KCNMA1: variants seen among roughly 807,000 people sequenced by gnomAD.
KCNMA1 encodes the protein Calcium-activated potassium channel subunit alpha-1.
Under a neutral mutation model 140.0 loss-of-function variants are expected in KCNMA1, and 29 were observed. The observed-to-expected ratio is 0.21, with a 90% CI of 0.15 to 0.28. KCNMA1 has a LOEUF of 0.28. Ranked by LOEUF, KCNMA1 falls within the 10% of genes least tolerant of loss-of-function variation. The pLI is 1.00. For missense variants in KCNMA1, 880 were observed against 1,602.2 expected (o/e 0.55, Z 7.70); for synonymous variants, 612 against 611.9 (o/e 1.00, Z 0.00).
At chr10:77,388,378 G>T (rs1431765673) in intron 2 of KCNMA1, among the ~76,000 whole-genome samples, 1 of 152,152 alleles carries the variant, frequency 6.6e-6, no homozygotes, top group Non-Finnish European at 1.5e-5. Flanking sequence ...TTTCATCAAG[G>T]TAAAGAATTC....
chr10:77,382,921 TAC>T (rs2095454282), intron 2 of KCNMA1, among the ~76,000 whole-genome samples: 1 of 113,020 alleles, frequency 8.8e-6, no homozygotes, highest in African/African-American at 3.4e-5. Context: ...CACACACACA[TAC>T]ATATATATAC....
chr10:77,189,560 T>C (rs2098920644), intron 3 of KCNMA1, among the ~76,000 whole-genome samples: 1 of 152,114 alleles, frequency 6.6e-6, no homozygotes, highest in African/African-American at 2.4e-5. Flanking sequence ...GAGACCATCA[T>C]TTACAAGGGA....
intron 1 of KCNMA1, among the ~76,000 whole-genome samples, chr10:77,559,089 T>G (rs796407213): frequency 3.9e-5 from 6 of 152,082 alleles, no homozygotes; most frequent in African/African-American, 1.2e-4. Context: ...CTGGGCAACA[T>G]GTGGTTGTGT....
chr10:77,124,814 G>A (rs1369191595), intron 5 of KCNMA1, among the ~76,000 whole-genome samples: 1 of 152,164 alleles, frequency 6.6e-6, no homozygotes, highest in African/African-American at 2.4e-5. Context: ...AATAGCTTCC[G>A]TATTAGTCCG....
chr10:76,932,533 T>C (rs894458271), intron 23 of KCNMA1, among the ~76,000 whole-genome samples: 1 of 152,214 alleles, frequency 6.6e-6, no homozygotes, highest in Non-Finnish European at 1.5e-5. Flanking sequence ...CTACAGCCTT[T>C]GATGTTTAAT....
intron 1 of KCNMA1, among the ~76,000 whole-genome samples, chr10:77,589,782 G>C (rs1439394678): frequency 2.0e-5 from 3 of 152,116 alleles, no homozygotes; most frequent in Non-Finnish European, 4.4e-5. Context: ...CATAAAGGCA[G>C]CGTGGGCCCA....
chr10:77,261,239 T>C (rs1452875186), intron 2 of KCNMA1, among the ~76,000 whole-genome samples: 5 of 152,286 alleles, frequency 3.3e-5, no homozygotes, highest in African/African-American at 1.2e-4. Flanking sequence ...CATCCATCAG[T>C]ATATAGACAA....
chr10:77,283,847 G>C (rs937123353), intron 2 of KCNMA1, among the ~76,000 whole-genome samples: 1 of 152,146 alleles, frequency 6.6e-6, no homozygotes, highest in Non-Finnish European at 1.5e-5. Flanking sequence ...TGAAATAAGG[G>C]CATGGAAGAA....
intron 2 of KCNMA1, among the ~76,000 whole-genome samples, chr10:77,258,894 C>T (rs11002098): frequency 6.6e-5 from 10 of 152,158 alleles, no homozygotes; most frequent in East Asian, 3.9e-4. Flanking sequence ...ACCCAGGAAA[C>T]GGAGGTTTCA....
intron 1 of KCNMA1, among the ~76,000 whole-genome samples, chr10:77,600,914 C>T (rs780610080): frequency 3.3e-5 from 5 of 152,210 alleles, no homozygotes; most frequent in Admixed American, 3.3e-4. Context: ...ACCACTCCCC[C>T]TCCCAGGCTC....
chr10:77,445,395 CATAT>C (rs1219360528), intron 1 of KCNMA1, among the ~76,000 whole-genome samples: 26 of 148,854 alleles, frequency 1.7e-4, no homozygotes, highest in Admixed American at 3.3e-4. Context: ...CACACACACA[CATAT>C]GAAAAATAAA....
chr10:76,886,662 T>G lies in KCNMA1; in HGVS notation c.*604A>C, dbSNP rs150942255. 4.0e-6 allele frequency: 4 copies of G among 992,838 alleles called. No homozygotes were observed. Among genetic ancestry groups the G allele is most frequent in the Non-Finnish European group, 4.8e-6 (4 of 834,208 alleles). 61.5% of individuals were successfully genotyped at this position (992,838 alleles called of 1,614,324 possible). On this transcript the variant is annotated 3_prime_UTR_variant, in exon 28 of 28. Transcript: ENST00000286628. ...GTAACTAAAAAAATCACTGATGTTC[T>G]CTTGCAACAAGCAGGTCCTTCATAA...
chr10:77,157,339 G>A (rs2098499613), intron 5 of KCNMA1, among the ~76,000 whole-genome samples: 1 of 152,114 alleles, frequency 6.6e-6, no homozygotes, highest in South Asian at 2.1e-4. Context: ...CTACTCGGGA[G>A]GCTAGTACAA....
rs140454988 is a variant in KCNMA1 at position 77,518,940 on chromosome 10, G to A, written c.379-114917C>T. 2.3e-3 allele frequency among the ~76,000 whole-genome samples: 354 copies of A among 152,292 alleles called. 6 individuals are homozygous for A. The South Asian group carries it at 0.026, about 11-fold the overall frequency. Reference sequence around the variant, plus strand: ...CTGCTGCCCAGCACCCACTGTCCACGCATGGTTACTATTAGAAAGTTAATC... The same window carrying A: ...CTGCTGCCCAGCACCCACTGTCCACACATGGTTACTATTAGAAAGTTAATC... On this transcript the variant is annotated intron_variant, in intron 1 of 27. Transcript: ENST00000286628.
intron 1 of KCNMA1, among the ~76,000 whole-genome samples, chr10:77,568,218 T>C (rs927710161): frequency 6.6e-6 from 1 of 152,202 alleles, no homozygotes; most frequent in African/African-American, 2.4e-5. Context: ...GAGGGAATCC[T>C]CCCTAACTCA....
intron 1 of KCNMA1, among the ~76,000 whole-genome samples, chr10:77,604,451 T>C (rs1194019487): frequency 1.3e-5 from 2 of 152,148 alleles, no homozygotes; most frequent in Non-Finnish European, 2.9e-5. Context: ...ACTTCTATAA[T>C]CCCAGTACTT....
intron 2 of KCNMA1, among the ~76,000 whole-genome samples, chr10:77,377,190 G>T (rs979620549): frequency 6.6e-6 from 1 of 152,152 alleles, no homozygotes; most frequent in African/African-American, 2.4e-5. Context: ...TTCCTCCCGG[G>T]CTGCTTCTGT....
chr10:77,407,325 T>C (rs2096501773), intron 1 of KCNMA1, among the ~76,000 whole-genome samples: 2 of 152,130 alleles, frequency 1.3e-5, no homozygotes, highest in Admixed American at 1.3e-4. Context: ...AAAGCACCTC[T>C]TATGGGGAGC....
At position 77,570,405 on chromosome 10, in the gene KCNMA1, C is replaced by G. The variant is rs1472516193; in HGVS notation, c.378+66860G>C. 1.2e-4 allele frequency among the ~76,000 whole-genome samples: 18 copies of G among 149,594 alleles called. No homozygotes were observed. The East Asian group carries it at 3.5e-3, about 29-fold the overall frequency. On this transcript the variant is annotated intron_variant, in intron 1 of 27. Coordinates refer to ENST00000286628, the MANE Select transcript of KCNMA1 (RefSeq NM_001161352.2). ...ATATACACCATGGAATACTACGCAG[C>G]CATAAAAAATCATGAGTTCATGTCC...
Sources: allele counts gnomAD v4.1 joint callset (sites outside exome capture counted in the v4.1 genomes callset), GRCh38; gene constraint gnomAD v4.1.1; transcripts MANE v1.5; gene names NCBI Gene and HGNC (gene_info 2026-07-23, HGNC 2026-07-21).